The following GOLPH3L variants were observed in gnomAD, a reference collection of about 807,000 sequenced individuals.
GOLPH3L encodes the protein Golgi phosphoprotein 3-like.
GOLPH3L carries 22 observed loss-of-function variants against 30.3 expected under a neutral mutation model. The ratio of observed to expected loss-of-function variants is 0.73; its 90% CI spans 0.52 to 1.04. The LOEUF is 1.04. Among genes scored for constraint, GOLPH3L ranks in the 50% least tolerant of loss-of-function variants. GOLPH3L has a pLI of 0.00. For missense variants in GOLPH3L, 303 were observed against 345.8 expected (o/e 0.88, Z 0.98); for synonymous variants, 120 against 128.2 (o/e 0.94, Z 0.43).
chr1:150,693,492 G>C lies in GOLPH3L; in HGVS notation c.183+1164C>G, dbSNP rs143507016. On this transcript the variant is annotated intron_variant, in intron 2 of 4. Transcript: ENST00000271732. The stretch of plus-strand genomic sequence containing the variant: ...TTCTTGCAGGCGGTGGGCGAGGGGG[G>C]GCGGTTATTTAAGGCTTTCCTGGAA... 2.0e-3 allele frequency among the ~76,000 whole-genome samples: 304 copies of C among 151,984 alleles called. 1 individual carries two copies. The highest frequency in any genetic ancestry group is 7.0e-3 in the African/African-American group (291 of 41,434).
chr1:150,666,491 C>T (rs587740553), intron 2 of GOLPH3L, among the ~76,000 whole-genome samples: 105 of 152,098 alleles, frequency 6.9e-4, no homozygotes, highest in African/African-American at 2.4e-3. Context: ...ATTACAGGTG[C>T]ACCTCACCAC....
chr1:150,690,713 C>T (rs980613066), intron 2 of GOLPH3L, among the ~76,000 whole-genome samples: 4 of 152,150 alleles, frequency 2.6e-5, no homozygotes, highest in Admixed American at 2.6e-4. Context: ...CTCATGATAC[C>T]TTTGCTCACT....
chr1:150,662,364 TTAAATAAA>T (rs924695113), intron 3 of GOLPH3L, among the ~76,000 whole-genome samples: 1 of 151,356 alleles, frequency 6.6e-6, no homozygotes, highest in Non-Finnish European at 1.5e-5. Flanking sequence ...AAATAAAAAT[TTAAATAAA>T]TAAATAAATA....
At chr1:150,678,337 G>C (rs1286982815) in intron 2 of GOLPH3L, among the ~76,000 whole-genome samples, 1 of 110,700 alleles carries the variant, frequency 9.0e-6, no homozygotes, top group African/African-American at 3.3e-5. Flanking sequence ...TCCTTTCTAA[G>C]ATTTAAAAAA....
At chr1:150,685,641 C>T (rs994299766) in intron 2 of GOLPH3L, among the ~76,000 whole-genome samples, 2 of 151,910 alleles carry the variant, frequency 1.3e-5, no homozygotes, top group East Asian at 1.9e-4. Flanking sequence ...CTTGAACCCA[C>T]GAGGTGGAGG....
chr1:150,668,910 T>C (rs1650576886), intron 2 of GOLPH3L, among the ~76,000 whole-genome samples: 1 of 152,186 alleles, frequency 6.6e-6, no homozygotes, highest in South Asian at 2.1e-4. Context: ...GTTGTCTCAT[T>C]TCCTCCTGAC....
rs1000756788 is a variant in GOLPH3L at position 150,647,191 on chromosome 1, A to G, written c.*1130T>C. On this transcript the variant is annotated 3_prime_UTR_variant, in exon 5 of 5. Coordinates refer to ENST00000271732, the MANE Select transcript of GOLPH3L (RefSeq NM_018178.6). Reference sequence around the variant, plus strand: ...ACAATTCCTTCAATTCAGTCAGAGCAGAGACATTTAAAGTAGTCTGGAGGG... The same window carrying G: ...ACAATTCCTTCAATTCAGTCAGAGCGGAGACATTTAAAGTAGTCTGGAGGG... 1.1e-4 allele frequency: 17 copies of G among 152,198 alleles called. No homozygotes were observed. Among genetic ancestry groups the G allele is most frequent in the African/African-American group, 3.9e-4 (16 of 41,446 alleles). 9.4% of individuals were successfully genotyped at this position (152,198 alleles called of 1,614,324 possible).
In GOLPH3L at chr1:150,648,841, T is replaced by C. The variant is rs1650042234; in HGVS notation, c.431-93A>G. ...TGGAAACTTGAATGGCTAAAATGTT[T>C]AAAAGCATAATCTTCATTCCTCAAT... On this transcript the variant is annotated intron_variant, in intron 4 of 4. Coordinates refer to ENST00000271732, the MANE Select transcript of GOLPH3L (RefSeq NM_018178.6). 3 of 754,744 alleles carry C rather than the reference T, an allele frequency of 4.0e-6. No homozygotes were observed. The African/African-American group carries it at 5.2e-5, about 13-fold the overall frequency. The allele number at this position is 754,744 out of a possible 1,614,324, so 46.8% of individuals were successfully genotyped here.
At chr1:150,684,972 TATGATA>T (rs1306027481) in intron 2 of GOLPH3L, among the ~76,000 whole-genome samples, 5 of 152,154 alleles carry the variant, frequency 3.3e-5, no homozygotes, top group African/African-American at 1.2e-4. Flanking sequence ...CCAGCGATAA[TATGATA>T]ATTATAATTA....
At chr1:150,676,222 C>T (rs1392805374) in intron 2 of GOLPH3L, among the ~76,000 whole-genome samples, 3 of 152,112 alleles carry the variant, frequency 2.0e-5, no homozygotes, top group Non-Finnish European at 4.4e-5. Context: ...GATGCTCCTG[C>T]CTTGGCCTCT....
intron 4 of GOLPH3L, among the ~76,000 whole-genome samples, chr1:150,656,715 G>C (rs1415312851): frequency 6.6e-6 from 1 of 152,150 alleles, no homozygotes; most frequent in Non-Finnish European, 1.5e-5. Context: ...TTAAACTATA[G>C]GATATGATCC....
chr1:150,672,948 T>C (rs1308813933), intron 2 of GOLPH3L, among the ~76,000 whole-genome samples: 2 of 152,038 alleles, frequency 1.3e-5, no homozygotes, highest in Non-Finnish European at 2.9e-5. Flanking sequence ...GGTAGAAAGA[T>C]GCAAAGCTAG....
intron 2 of GOLPH3L, among the ~76,000 whole-genome samples, chr1:150,676,302 G>C (rs1248688238): frequency 1.3e-5 from 2 of 151,922 alleles, no homozygotes; most frequent in Non-Finnish European, 2.9e-5. Context: ...AAAGTAGAGA[G>C]ATTATGTAGC....
rs1365745367 is a variant in GOLPH3L, at chr1:150,694,405, T to C, written c.183+251A>G. ...GGGAAACTACAAGTACAAAACTTTA[T>C]ACTATATCCTCCTCTCCTGTATCTT... On this transcript the variant is annotated intron_variant, in intron 2 of 4. Coordinates refer to ENST00000271732, the MANE Select transcript of GOLPH3L (RefSeq NM_018178.6). The C allele has an allele frequency of 1.9e-5, 7 of 373,814 alleles. No homozygotes were observed. In the Admixed American group the frequency reaches 3.1e-4, roughly 16 times the overall value. The allele number at this position is 373,814 out of a possible 1,614,324, so 23.2% of individuals were successfully genotyped here.
At chr1:150,679,698 G>A (rs1271522160) in intron 2 of GOLPH3L, among the ~76,000 whole-genome samples, 1 of 152,194 alleles carries the variant, frequency 6.6e-6, no homozygotes, top group Non-Finnish European at 1.5e-5. Context: ...TATTTCGGAG[G>A]CCAAAGTGAG....
intron 2 of GOLPH3L, among the ~76,000 whole-genome samples, chr1:150,665,902 T>A (rs1408351694): frequency 4.6e-5 from 7 of 152,194 alleles, no homozygotes; most frequent in Admixed American, 4.6e-4. Flanking sequence ...TATTTCACCA[T>A]CATCCTTGAA....
chr1:150,690,250 G>A (rs1651179453), intron 2 of GOLPH3L, among the ~76,000 whole-genome samples: 1 of 151,982 alleles, frequency 6.6e-6, no homozygotes, highest in East Asian at 1.9e-4. Context: ...CAAAGTGCTG[G>A]GATTACAGAC....
At chr1:150,651,288 G>A (rs1650098117) in intron 4 of GOLPH3L, among the ~76,000 whole-genome samples, 1 of 151,852 alleles carries the variant, frequency 6.6e-6, no homozygotes, top group Non-Finnish European at 1.5e-5. Context: ...ACTCCAGCCT[G>A]GGCAACAAAG....
chr1:150,648,431 C>T lies in GOLPH3L; in HGVS notation c.748G>A (p.Ala250Thr). The T allele has an allele frequency of 6.2e-7, 1 of 1,613,748 alleles. No individual in the cohort carries two copies. The highest frequency in any genetic ancestry group is 8.5e-7 in the Non-Finnish European group (1 of 1,179,648). Residue 250 changes from alanine to threonine, a missense_variant, in exon 5 of 5, where the codon GCA becomes ACA. Physicochemically the swap from Ala to Thr is moderately conservative, Grantham distance 58 (BLOSUM62 0). Transcript: ENST00000271732. Reference protein sequence around the residue: ...SSLTDDKYDVAMNRAKDLVEL... With the variant: ...SSLTDDKYDVTMNRAKDLVEL... ...ACTAAGTCCTTGGCTCGATTCATTGCCACATCATACTTGTCATCTGTCAGA... is the reference window on the plus strand; with the variant it reads ...ACTAAGTCCTTGGCTCGATTCATTGTCACATCATACTTGTCATCTGTCAGA...
Sources: allele counts gnomAD v4.1 joint callset (sites outside exome capture counted in the v4.1 genomes callset), GRCh38; gene constraint gnomAD v4.1.1; transcripts MANE v1.5; gene names NCBI Gene and HGNC (gene_info 2026-07-23, HGNC 2026-07-21).